The following IP6K3 variants were observed in gnomAD, a reference collection of about 807,000 sequenced individuals.
IP6K3 encodes the protein ATP:1D-myo-inositol-hexakisphosphate phosphotransferase.
In IP6K3, 20 loss-of-function variants were observed where a neutral mutation model predicts 28.8. The observed-to-expected ratio is 0.70, with a 90% CI of 0.49 to 1.01. The LOEUF is 1.01. Ranked by LOEUF, IP6K3 falls within the 50% of genes least tolerant of loss-of-function variation. The pLI is 0.00. For synonymous variants in IP6K3, 213 were observed against 221.3 expected, an observed-to-expected ratio of 0.96 and a Z score of 0.33; for missense variants, 480 against 537.1, an observed-to-expected ratio of 0.89 and a Z score of 1.05.
intron 1 of IP6K3, among the ~76,000 whole-genome samples, chr6:33,740,791 A>T (rs1766693401): frequency 6.6e-6 from 1 of 152,226 alleles, no homozygotes; most frequent in Non-Finnish European, 1.5e-5. Context: ...ATTACGGAAG[A>T]TGCATCTCTT....
chr6:33,727,054 C>T (rs963427365), intron 3 of IP6K3, 148 bp from the exon 4 acceptor site: 4 of 714,012 alleles, frequency 5.6e-6, no homozygotes, highest in African/African-American at 5.5e-5. Flanking sequence ...GGGGCACCCT[C>T]CCTGCCCAAC....
At chr6:33,761,715 G>T in the IP6K3 span, among the ~76,000 whole-genome samples, 3 of 152,144 alleles carry the variant, frequency 2.0e-5, no homozygotes. Context: ...GGGCAGCCTT[G>T]TCTCAGGCCC....
chr6:33,724,412 G>T (rs540604713), intron 5 of IP6K3, among the ~76,000 whole-genome samples: 6 of 152,174 alleles, frequency 3.9e-5, no homozygotes, highest in African/African-American at 1.4e-4. Flanking sequence ...AACGTTTACC[G>T]TCAAATCAGT....
In IP6K3 at chr6:33,743,268, G is replaced by A. The variant is rs184481706; in HGVS notation, c.-180+3490C>T. Among the ~76,000 whole-genome samples, 151 of 152,318 alleles carry A rather than the reference G, an allele frequency of 9.9e-4. 1 individual carries two copies. Among genetic ancestry groups the A allele is most frequent in the African/African-American group, 3.6e-3 (149 of 41,572 alleles). On this transcript the variant is annotated intron_variant, in intron 1 of 5. Transcript: ENST00000293756. ...GTAGAAGATAATTAAGAAACAGCTT[G>A]TAGCAAAAGAAAACTGTAATATAAA...
intron 2 of IP6K3, among the ~76,000 whole-genome samples, chr6:33,731,567 G>T (rs530717068): frequency 6.6e-6 from 1 of 152,268 alleles, no homozygotes; most frequent in East Asian, 1.9e-4. Flanking sequence ...GTCTTTCTGC[G>T]TGCCTCTGAC....
chr6:33,732,109 T>C (rs1766342353), intron 2 of IP6K3, among the ~76,000 whole-genome samples: 1 of 152,234 alleles, frequency 6.6e-6, no homozygotes, highest in Non-Finnish European at 1.5e-5. Flanking sequence ...GGTCAATTGT[T>C]AACCAACTGG....
At position 33,721,912 on chromosome 6, in the gene IP6K3, A is replaced by G. The variant is rs1039631472; in HGVS notation, c.*808T>C. Reference sequence around the variant, plus strand: ...CAAAATAAATAAATAGAAAGCAGAGAGTAGAGCAGGACGTCAGTGGTCCCT... The same window carrying G: ...CAAAATAAATAAATAGAAAGCAGAGGGTAGAGCAGGACGTCAGTGGTCCCT... On this transcript the variant is annotated 3_prime_UTR_variant, in exon 6 of 6. Coordinates refer to ENST00000293756, the MANE Select transcript of IP6K3 (RefSeq NM_054111.5). 6.6e-6 allele frequency: 1 copy of G among 152,508 alleles called. No individual in the cohort carries two copies. The highest frequency in any genetic ancestry group is 1.5e-5 in the Non-Finnish European group (1 of 68,028). The allele number at this position is 152,508 out of a possible 1,614,324, so 9.4% of individuals were successfully genotyped here.
intron 1 of IP6K3, among the ~76,000 whole-genome samples, chr6:33,738,555 C>T (rs1766609500): frequency 6.6e-6 from 1 of 152,196 alleles, no homozygotes; most frequent in Admixed American, 6.5e-5. Flanking sequence ...CATAATAACC[C>T]TATGAGGCAA....
the IP6K3 span, among the ~76,000 whole-genome samples, chr6:33,757,340 G>C: frequency 6.6e-6 from 1 of 152,194 alleles, no homozygotes; most frequent in African/African-American, 2.4e-5. Flanking sequence ...CTCCCTGCTT[G>C]TGCAGCTGAT....
At position 33,725,552 on chromosome 6, in the gene IP6K3, C is replaced by T; in HGVS notation, c.654G>A (p.Met218Ile). 1 of 1,614,176 alleles carries T rather than the reference C, an allele frequency of 6.2e-7. No homozygotes were observed. Among genetic ancestry groups the T allele is most frequent in the Non-Finnish European group, 8.5e-7 (1 of 1,180,028 alleles). Residue 218 changes from methionine to isoleucine, a missense_variant, in exon 5 of 6, where the codon ATG becomes ATA. Coordinates refer to ENST00000293756, the MANE Select transcript of IP6K3 (RefSeq NM_054111.5). ...YTHPCVLDLK[M>I]GTRQHGDDAS... ...CATCATCGCCGTGCTGCCGGGTCCC[C>T]ATCTTCAGATCCAGGACACAGGGAT...
intron 1 of IP6K3, among the ~76,000 whole-genome samples, chr6:33,741,125 C>T (rs769005271): frequency 6.6e-6 from 1 of 152,198 alleles, no homozygotes; most frequent in Non-Finnish European, 1.5e-5. Flanking sequence ...CATTCTCTTT[C>T]CCTGGCCATG....
chr6:33,735,200 A>G, intron 2 of IP6K3, 78 bp downstream of exon 2: 1 of 1,220,088 alleles, frequency 8.2e-7, no homozygotes, highest in Non-Finnish European at 1.2e-6. Flanking sequence ...ACACCACAGG[A>G]GGACGTGGTG....
chr6:33,739,724 C>A (rs1766652849), intron 1 of IP6K3, among the ~76,000 whole-genome samples: 1 of 152,258 alleles, frequency 6.6e-6, no homozygotes, highest in Admixed American at 6.5e-5. Context: ...CACATGCAGG[C>A]ACTTCTGCCG....
intron 2 of IP6K3, among the ~76,000 whole-genome samples, chr6:33,728,614 G>T (rs1283152314): frequency 6.6e-6 from 1 of 152,196 alleles, no homozygotes; most frequent in African/African-American, 2.4e-5. Flanking sequence ...TTGCGTTCCA[G>T]TTCCTCTGTG....
In IP6K3 at chr6:33,722,731, C is replaced by G; in HGVS notation, c.1222G>C (p.Glu408Gln). The change falls in exon 6 of 6, where the codon GAG becomes CAG. Residue 408 changes from glutamate (E) to glutamine (Q), a missense_variant. Transcript: ENST00000293756. Reference protein sequence around the residue: ...NLIRILQDIQEGE With the variant: ...NLIRILQDIQQGE ...AAGCCCAGGAAGTTTCATTCTCCCT[C>G]TTGGATATCCTGCAGGATCCTGATG... 1 of 1,605,788 alleles carries G rather than the reference C, an allele frequency of 6.2e-7. No homozygotes were observed. Among genetic ancestry groups the G allele is most frequent in the Non-Finnish European group, 8.5e-7 (1 of 1,175,016 alleles).
At chr6:33,749,602 A>G (rs1390026354), upstream of IP6K3, among the ~76,000 whole-genome samples, 1 of 150,378 alleles carries the variant, frequency 6.6e-6, no homozygotes, top group Non-Finnish European at 1.5e-5. Flanking sequence ...GCCACCACTC[A>G]GGTCCTCAGG....
the IP6K3 span, among the ~76,000 whole-genome samples, chr6:33,752,248 G>A: frequency 9.2e-5 from 14 of 152,202 alleles, no homozygotes; most frequent in African/African-American, 2.9e-4. Flanking sequence ...AGGCCTTCAC[G>A]GTGGCTGACA....
rs750236462 is a variant in IP6K3 at position 33,723,026 on chromosome 6, G to A, written c.927C>T (p.Leu309=). 1.1e-5 allele frequency: 17 copies of A among 1,614,170 alleles called. No individual in the cohort carries two copies. In the South Asian group the frequency reaches 1.3e-4, roughly 13 times the overall value. Residue 309 remains leucine (L), a synonymous_variant, in exon 6 of 6, where the codon CTC becomes CTT. Transcript: ENST00000293756. ...AACTCTGGCTCCTAATGACAGAGAG[G>A]AGGGCCCGGAGCTGGTGCAGGATGG... ...LEPILHQLRA[L]LSVIRSQSSY...
chr6:33,752,450 G>A, the IP6K3 span, among the ~76,000 whole-genome samples: 9 of 152,248 alleles, frequency 5.9e-5, no homozygotes, highest in Non-Finnish European at 1.3e-4. Flanking sequence ...GCCTGAGCCT[G>A]CCACTCTTGT....
Sources: gnomAD v4.1 joint callset for allele counts (sites outside exome capture counted in the v4.1 genomes callset) on GRCh38, gnomAD v4.1.1 for gene constraint, MANE v1.5 for transcripts, NCBI Gene and HGNC (gene_info 2026-07-23, HGNC 2026-07-21) for gene names.